BUB1B: variants seen among roughly 807,000 people sequenced by gnomAD.
The protein encoded by BUB1B is BUB1 mitotic checkpoint serine/threonine kinase B.
In BUB1B, 86 loss-of-function variants were observed where a neutral mutation model predicts 137.7. The ratio of observed to expected loss-of-function variants is 0.62; its 90% confidence interval spans 0.52 to 0.75. The LOEUF (loss-of-function observed/expected upper bound fraction) is 0.75. Among genes scored for constraint, BUB1B ranks in the 30% least tolerant of loss-of-function variants. The pLI is 0.00. For missense variants in BUB1B, 1,130 were observed against 1,236.9 expected (o/e 0.91, Z 1.30); for synonymous variants, 420 against 417.9 (o/e 1.00, Z -0.06).
chr15:40,182,153 G>A (rs543118472), intron 5 of BUB1B, among the ~76,000 whole-genome samples: 2 of 152,330 alleles, frequency 1.3e-5, no homozygotes, highest in African/African-American at 2.4e-5. Flanking sequence ...GTAGTGAGCC[G>A]AGATTGTGCC....
At chr15:40,190,690 T>C (rs2037425537) in intron 8 of BUB1B, among the ~76,000 whole-genome samples, 1 of 152,210 alleles carries the variant, frequency 6.6e-6, no homozygotes, top group Non-Finnish European at 1.5e-5. Context: ...GCATCGCTAC[T>C]CTTGTGCTTT....
chr15:40,161,075 T>G lies in BUB1B; in HGVS notation c.-146T>G, dbSNP rs1197592495. The G allele has an allele frequency of 1.8e-6, 2 of 1,082,304 alleles. No individual in the cohort carries two copies. The highest frequency in any genetic ancestry group is 2.7e-6 in the Non-Finnish European group (2 of 753,570). The allele number at this position is 1,082,304 out of a possible 1,614,324, so 67.0% of individuals were successfully genotyped here. On this transcript the variant is annotated 5_prime_UTR_variant, in exon 1 of 23. Transcript: ENST00000287598. ...AAACTTGGCGGCTAGGGGTGTGGGC[T>G]TGAGGTGGCCGGTTTGTTAGGGAGT...
chr15:40,173,270 C>G (rs1287518921), intron 4 of BUB1B, among the ~76,000 whole-genome samples: 1 of 128,784 alleles, frequency 7.8e-6, no homozygotes, highest in African/African-American at 3.0e-5. Flanking sequence ...GGCGACAGAG[C>G]GAGACTCAGT....
At chr15:40,165,016 G>A (rs990696583) in intron 1 of BUB1B, 37 bp from the exon 2 acceptor site, 2 of 1,612,872 alleles carry the variant, frequency 1.2e-6, no homozygotes, top group Non-Finnish European at 1.7e-6. Context: ...AATAGTCAAT[G>A]TTGGTATGAG....
chr15:40,173,011 C>G (rs2037181908), intron 4 of BUB1B, among the ~76,000 whole-genome samples: 1 of 152,060 alleles, frequency 6.6e-6, no homozygotes, highest in Non-Finnish European at 1.5e-5. Context: ...TGTGGTGGCT[C>G]CCACCTGTAA....
At chr15:40,199,083 T>G (rs1399679491) in intron 9 of BUB1B, among the ~76,000 whole-genome samples, 1 of 152,246 alleles carries the variant, frequency 6.6e-6, no homozygotes, top group Non-Finnish European at 1.5e-5. Context: ...CCACCTAGTT[T>G]GTTAGCCTAG....
Position 40,200,131 on chromosome 15 carries a change from T to C in BUB1B, c.1402-113T>C, listed in dbSNP as rs113466509. On this transcript the variant is annotated intron_variant, in intron 10 of 22. Transcript: ENST00000287598. Reference sequence around the variant, plus strand: ...AAATGACTTTTGTGGTACACTCATTTTGTACTGTTAGTGGATGTCTAGGGA... The same window carrying C: ...AAATGACTTTTGTGGTACACTCATTCTGTACTGTTAGTGGATGTCTAGGGA... 5.7e-4 allele frequency: 439 copies of C among 771,208 alleles called. No homozygotes were observed. The African/African-American group carries it at 6.6e-3, about 12-fold the overall frequency. 47.8% of individuals were successfully genotyped at this position (771,208 alleles called of 1,614,324 possible). A position where few individuals can be genotyped will look rare whatever the true frequency, so the allele number is the denominator to read the frequency against.
chr15:40,173,906 A>C (rs1343111096), intron 4 of BUB1B: 3 of 399,038 alleles, frequency 7.5e-6, no homozygotes, highest in Non-Finnish European at 1.4e-5. Flanking sequence ...CCAGTCAGTT[A>C]TTTTATGTGA....
At chr15:40,199,827 A>G in intron 10 of BUB1B, 100 bp downstream of exon 10, 1 of 900,920 alleles carries the variant, frequency 1.1e-6, no homozygotes, top group Non-Finnish European at 1.8e-6. Flanking sequence ...CCCCATTTAG[A>G]GTTTCTGGTA....
intron 5 of BUB1B, among the ~76,000 whole-genome samples, chr15:40,182,201 C>G (rs2037302908): frequency 6.6e-6 from 1 of 152,190 alleles, no homozygotes; most frequent in African/African-American, 2.4e-5. Context: ...GAGACTCCAT[C>G]TCAAAAAACA....
At position 40,221,076 on chromosome 15, in the gene BUB1B, C is replaced by T. The variant is rs918346306; in HGVS notation, c.*317C>T. 25 of 388,524 alleles carry T rather than the reference C, an allele frequency of 6.4e-5. 1 individual carries two copies. The highest frequency in any genetic ancestry group is 6.1e-5 in the Non-Finnish European group (13 of 211,526). 24.1% of individuals were successfully genotyped at this position (388,524 alleles called of 1,614,324 possible). A position where few individuals can be genotyped will look rare whatever the true frequency, so the allele number is the denominator to read the frequency against. On this transcript the variant is annotated 3_prime_UTR_variant, in exon 23 of 23. Transcript: ENST00000287598. Reference sequence around the variant, plus strand: ...CCATTTGTAATTTGTAAAATGTTCTCTTATGATCACCATGTATTTTGTAAA... The same window carrying T: ...CCATTTGTAATTTGTAAAATGTTCTTTTATGATCACCATGTATTTTGTAAA...
intron 16 of BUB1B, among the ~76,000 whole-genome samples, chr15:40,209,099 T>C (rs1369551081): frequency 6.6e-6 from 1 of 151,960 alleles, no homozygotes; most frequent in Non-Finnish European, 1.5e-5. Context: ...TGAGCCACCA[T>C]GCCCAGTCTA....
At chr15:40,180,259 T>G (rs2037271219) in intron 5 of BUB1B, among the ~76,000 whole-genome samples, 1 of 143,158 alleles carries the variant, frequency 7.0e-6, no homozygotes. Flanking sequence ...TTCTTTTTTT[T>G]TTTTTTTTTT....
Position 40,203,162 on chromosome 15 carries a change from A to G in BUB1B, c.1734+468A>G, listed in dbSNP as rs542224906. ...TGGAAACAACCCCAAATGTCCATCAACTGATGAATGGATAAACAAAATGTT... is the reference window on the plus strand; with the variant it reads ...TGGAAACAACCCCAAATGTCCATCAGCTGATGAATGGATAAACAAAATGTT... On this transcript the variant is annotated intron_variant, in intron 14 of 22. Transcript: ENST00000287598. 2.0e-4 allele frequency among the ~76,000 whole-genome samples: 31 copies of G among 152,364 alleles called. No individual in the cohort carries two copies. In the South Asian group the frequency reaches 6.2e-3, roughly 31 times the overall value.
intron 5 of BUB1B, 117 bp from the exon 6 acceptor site, chr15:40,183,597 T>A (rs2037322335): frequency 3.4e-6 from 3 of 884,956 alleles, no homozygotes; most frequent in Non-Finnish European, 5.6e-6. Flanking sequence ...CTTTGGGATA[T>A]TTCTGCATTC....
At position 40,209,567 on chromosome 15, in the gene BUB1B, T is replaced by TA; in HGVS notation, c.2144-67dup. The TA allele has an allele frequency of 1.9e-6, 3 of 1,586,576 alleles. No individual in the cohort carries two copies. The South Asian group carries it at 3.3e-5, about 18-fold the overall frequency. ...TGATTTTTTTTTTCTTCTACTCTGTTATAATATCCATTTTAAGCATTAGGG... is the reference window on the plus strand; with the variant it reads ...TGATTTTTTTTTTCTTCTACTCTGTTAATAATATCCATTTTAAGCATTAGGG... On this transcript the variant is annotated intron_variant, in intron 16 of 22. Coordinates refer to ENST00000287598, the MANE Select transcript of BUB1B (RefSeq NM_001211.6).
Position 40,176,477 on chromosome 15 carries a change from G to C in BUB1B, c.385G>C (p.Gly129Arg). ...PRFLNLWLKL[G>R]RLCNEPLDMY... ...TTAACTGTTAACACTTCTGTTACAG[G>C]GGCGTTTATGCAATGAGCCTTTGGA... The change falls in exon 5 of 23, where the codon GGG becomes CGG. Residue 129 changes from glycine (G) to arginine (R), a missense_variant and splice_region_variant. Physicochemically the swap from Gly to Arg is moderately radical, Grantham distance 125. Coordinates refer to ENST00000287598, the MANE Select transcript of BUB1B (RefSeq NM_001211.6). 1 of 1,614,002 alleles carries C rather than the reference G, an allele frequency of 6.2e-7. No individual in the cohort carries two copies. The highest frequency in any genetic ancestry group is 2.2e-5 in the East Asian group (1 of 44,872).
intron 2 of BUB1B, 72 bp downstream of exon 2, chr15:40,165,268 C>T: frequency 6.3e-7 from 1 of 1,599,142 alleles, no homozygotes; most frequent in Non-Finnish European, 8.6e-7. Context: ...GGTGTGGATC[C>T]ATGAGAGATG....
chr15:40,175,339 G>A (rs144862894), intron 4 of BUB1B, among the ~76,000 whole-genome samples: 4 of 152,298 alleles, frequency 2.6e-5, no homozygotes, highest in Admixed American at 6.5e-5. Context: ...CGAGGTTGCA[G>A]TGAGCTATGA....
Sources: gnomAD v4.1 joint callset for allele counts (sites outside exome capture counted in the v4.1 genomes callset) on GRCh38, gnomAD v4.1.1 for gene constraint, MANE v1.5 for transcripts, NCBI Gene and HGNC (gene_info 2026-07-23, HGNC 2026-07-21) for gene names.